The following BMPER variants were observed in gnomAD, a reference collection of about 807,000 sequenced individuals.
BMPER encodes the protein BMP binding endothelial regulator, also known as BMP-binding endothelial regulator protein.
BMPER carries 45 observed loss-of-function variants against 87.3 expected under a neutral mutation model. The observed-to-expected ratio is 0.52, with a 90% CI of 0.41 to 0.66. The LOEUF (loss-of-function observed/expected upper bound fraction) is 0.66. Ranked by LOEUF, BMPER falls within the 30% of genes least tolerant of loss-of-function variation. The pLI, the probability that BMPER is intolerant of heterozygous loss-of-function variation, is 0.00. For synonymous variants in BMPER, 326 were observed against 316.2 expected (o/e 1.03, Z -0.33); for missense variants, 784 against 867.5 (o/e 0.90, Z 1.21).
At chr7:33,949,797 CAA>C (rs761797800) in intron 3 of BMPER, among the ~76,000 whole-genome samples, 12 of 152,076 alleles carry the variant, frequency 7.9e-5, no homozygotes, top group African/African-American at 1.2e-4. Flanking sequence ...GACAAAAAAA[CAA>C]GAGGGATTTC....
Position 34,156,197 on chromosome 7 carries a change from C to T in BMPER, c.*2924C>T, listed in dbSNP as rs1791297926. Among the ~76,000 whole-genome samples, 1 of 152,154 alleles carries T rather than the reference C, an allele frequency of 6.6e-6. No individual in the cohort carries two copies. Among genetic ancestry groups the T allele is most frequent in the Non-Finnish European group, 1.5e-5 (1 of 68,034 alleles). ...TCTTTCAATAAGAACGAGAAAGACC[C>T]AGGAGGTTGACTAGCTTCTCCCAGC... On this transcript the variant is annotated 3_prime_UTR_variant, in exon 15 of 15. Transcript: ENST00000649409.
chr7:34,081,419 A>G (rs1027898668), intron 12 of BMPER, among the ~76,000 whole-genome samples: 8 of 152,128 alleles, frequency 5.3e-5, no homozygotes, highest in Admixed American at 1.3e-4. Flanking sequence ...GGGAGGAATG[A>G]CTCTTTGACC....
At chr7:34,084,885 C>A (rs975666664) in intron 12 of BMPER, among the ~76,000 whole-genome samples, 4 of 152,204 alleles carry the variant, frequency 2.6e-5, no homozygotes, top group African/African-American at 9.6e-5. Context: ...ATTTCTTCAG[C>A]ATTTTAGATA....
chr7:34,051,799 G>A (rs889250599), intron 7 of BMPER, 62 bp from the exon 8 acceptor site: 19 of 1,384,098 alleles, frequency 1.4e-5, no homozygotes, highest in Middle Eastern at 1.8e-4. Context: ...TGGAATCACC[G>A]ATGACAAAAT....
At chr7:33,920,124 T>A (rs1784183942) in intron 2 of BMPER, among the ~76,000 whole-genome samples, 1 of 152,216 alleles carries the variant, frequency 6.6e-6, no homozygotes, top group South Asian at 2.1e-4. Context: ...CACACAATTC[T>A]GTTGCCCGAT....
intron 13 of BMPER, among the ~76,000 whole-genome samples, chr7:34,102,312 G>A (rs1789702850): frequency 6.6e-6 from 1 of 152,092 alleles, no homozygotes; most frequent in East Asian, 1.9e-4. Flanking sequence ...TTCTGATTGG[G>A]GCTGTCGCCA....
chr7:33,914,974 C>G (rs1034046325), intron 2 of BMPER, among the ~76,000 whole-genome samples: 2 of 152,186 alleles, frequency 1.3e-5, no homozygotes, highest in African/African-American at 2.4e-5. Context: ...CCCTTCCCCC[C>G]AGACCCTGCG....
intron 6 of BMPER, 105 bp downstream of exon 6, chr7:33,974,889 T>C: frequency 8.7e-7 from 1 of 1,148,676 alleles, no homozygotes. Flanking sequence ...GTCTCCTCTC[T>C]GGGTAAAAGT....
In BMPER at chr7:34,072,144, CATAGTGAGGATGAAAGGGG is replaced by C. The variant is rs907001789; in HGVS notation, c.1079-6690_1079-6672del. 4.6e-5 allele frequency among the ~76,000 whole-genome samples: 7 copies of C among 152,176 alleles called. No homozygotes were observed. In the South Asian group the frequency reaches 8.3e-4, roughly 18 times the overall value. ...GGTATGAATATACAATGTGCACAGA[CATAGTGAGGATGAAAGGGG>C]ATAGTGAGGATGAAAGGGGATACTG... On this transcript the variant is annotated intron_variant, in intron 11 of 14. Coordinates refer to ENST00000649409, the MANE Select transcript of BMPER (RefSeq NM_001365308.1).
intron 13 of BMPER, among the ~76,000 whole-genome samples, chr7:34,111,742 T>TC (rs1353331055): frequency 1.3e-5 from 2 of 152,296 alleles, no homozygotes; most frequent in African/African-American, 4.8e-5. Context: ...AGATGGAGTT[T>TC]CACTCTTATT....
intron 2 of BMPER, among the ~76,000 whole-genome samples, chr7:33,916,938 C>G (rs1240460044): frequency 6.6e-6 from 1 of 152,166 alleles, no homozygotes; most frequent in African/African-American, 2.4e-5. Flanking sequence ...TCAACCTCCT[C>G]TATAAAAGAC....
At chr7:33,991,216 G>A (rs918291782) in intron 6 of BMPER, among the ~76,000 whole-genome samples, 29 of 150,586 alleles carry the variant, frequency 1.9e-4, no homozygotes, top group East Asian at 1.9e-4. Context: ...TGTACCTCTG[G>A]TAGAATTCGG....
Position 33,970,508 on chromosome 7 carries a change from C to G in BMPER, c.493+89C>G, listed in dbSNP as rs1298412392. ...CCCAACCCCTCTTGTTGGAAATTTT[C>G]CTCACTTTACATCTGTGTACCTAAT... On this transcript the variant is annotated intron_variant, in intron 5 of 14. Coordinates refer to ENST00000649409, the MANE Select transcript of BMPER (RefSeq NM_001365308.1). 1.6e-5 allele frequency: 22 copies of G among 1,337,562 alleles called. No individual in the cohort carries two copies. In the Admixed American group the frequency reaches 3.6e-4, roughly 22 times the overall value. The allele number at this position is 1,337,562 out of a possible 1,614,324, so 82.9% of individuals were successfully genotyped here. A position where few individuals can be genotyped will look rare whatever the true frequency, so the allele number is the denominator to read the frequency against.
intron 2 of BMPER, among the ~76,000 whole-genome samples, chr7:33,913,960 A>ATTTTT (rs59183615): frequency 7.4e-6 from 1 of 134,298 alleles, no homozygotes. Context: ...TTTTAGCACA[A>ATTTTT]TTTTTTTTTT....
chr7:34,056,029 C>A (rs1788275096), intron 9 of BMPER, among the ~76,000 whole-genome samples: 1 of 152,216 alleles, frequency 6.6e-6, no homozygotes, highest in African/African-American at 2.4e-5. Context: ...AATCAAGACC[C>A]ACATAAACAA....
At chr7:33,918,954 TGGCTTCTGTTGGA>T (rs1199102146) in intron 2 of BMPER, among the ~76,000 whole-genome samples, 1 of 151,982 alleles carries the variant, frequency 6.6e-6, no homozygotes, top group Non-Finnish European at 1.5e-5. Flanking sequence ...TAGTCTGGGG[TGGCTTCTGTTGGA>T]GGAACCAGCC....
chr7:33,994,277 G>T (rs1408932499), intron 6 of BMPER, among the ~76,000 whole-genome samples: 12 of 152,336 alleles, frequency 7.9e-5, no homozygotes, highest in African/African-American at 2.4e-4. Context: ...GCGAGACTCC[G>T]TGGGCGTAGG....
chr7:34,052,037 G>A (rs1036020949), intron 8 of BMPER, 67 bp downstream of exon 8: 3 of 1,357,536 alleles, frequency 2.2e-6, no homozygotes, highest in African/African-American at 1.4e-5. Context: ...TAACATCACA[G>A]CCATAGCCAA....
intron 9 of BMPER, among the ~76,000 whole-genome samples, chr7:34,057,596 T>A (rs1399389750): frequency 6.6e-6 from 1 of 152,332 alleles, no homozygotes; most frequent in African/African-American, 2.4e-5. Context: ...GCCAGAACCA[T>A]GGCACATCTG....
Sources: allele counts gnomAD v4.1 joint callset (sites outside exome capture counted in the v4.1 genomes callset), GRCh38; gene constraint gnomAD v4.1.1; transcripts MANE v1.5; gene names NCBI Gene and HGNC (gene_info 2026-07-23, HGNC 2026-07-21).